NKAIN2: variants seen among roughly 807,000 people sequenced by gnomAD.
The protein encoded by NKAIN2 is sodium/potassium transporting ATPase interacting 2, also known as sodium/potassium-transporting ATPase subunit beta-1-interacting protein 2.
Under a neutral mutation model 32.6 loss-of-function variants are expected in NKAIN2, and 14 were observed. The observed-to-expected ratio is 0.43, with a 90% confidence interval of 0.28 to 0.67. The LOEUF (loss-of-function observed/expected upper bound fraction) is 0.67. Among genes scored for constraint, NKAIN2 ranks in the 30% least tolerant of loss-of-function variants. The probability of loss-of-function intolerance (pLI) is 0.17; values close to 1 mark genes in which losing one functional copy is unlikely to be tolerated. For missense variants in NKAIN2, 198 were observed against 258.3 expected (o/e 0.77, Z 1.60); for synonymous variants, 80 against 87.2 (o/e 0.92, Z 0.46).
At chr6:124,258,718 G>A (rs867201619) in intron 1 of NKAIN2, among the ~76,000 whole-genome samples, 2 of 152,162 alleles carry the variant, frequency 1.3e-5, no homozygotes, top group Admixed American at 6.5e-5. Context: ...TAAATAGTAC[G>A]TATGTAGCAA....
chr6:123,962,393 C>A (rs74676872), intron 1 of NKAIN2, among the ~76,000 whole-genome samples: 2,434 of 152,260 alleles, frequency 0.016, 65 homozygotes, highest in African/African-American at 0.056. Flanking sequence ...GGACACGATT[C>A]TATTTCCTTA....
At chr6:124,276,293 AACACAC>A (rs149321217) in intron 1 of NKAIN2, among the ~76,000 whole-genome samples, 2,396 of 145,946 alleles carry the variant, frequency 0.016, 70 homozygotes, top group African/African-American at 0.056. Flanking sequence ...CCCCTTGGTG[AACACAC>A]ACACACACAC....
intron 2 of NKAIN2, among the ~76,000 whole-genome samples, chr6:124,342,191 GAAGATCGAGA>G (rs1160710096): frequency 6.6e-6 from 1 of 151,780 alleles, no homozygotes; most frequent in African/African-American, 2.4e-5. Context: ...CACGAGGTCA[GAAGATCGAGA>G]CCATCTTGGC....
At chr6:124,560,404 C>A (rs2114890848) in intron 3 of NKAIN2, among the ~76,000 whole-genome samples, 1 of 152,332 alleles carries the variant, frequency 6.6e-6, no homozygotes, top group South Asian at 2.1e-4. Context: ...TCAATTAAAA[C>A]TCTTTCCTTT....
intron 4 of NKAIN2, among the ~76,000 whole-genome samples, chr6:124,676,047 A>G (rs1271033365): frequency 6.6e-6 from 1 of 152,072 alleles, no homozygotes; most frequent in Non-Finnish European, 1.5e-5. Context: ...TTCTCAAAAC[A>G]TTTTATAATT....
At chr6:124,320,804 T>C (rs1797146240) in intron 2 of NKAIN2, among the ~76,000 whole-genome samples, 1 of 152,222 alleles carries the variant, frequency 6.6e-6, no homozygotes, top group Admixed American at 6.5e-5. Context: ...AGTGTTGAAC[T>C]TGAAGCTGTG....
chr6:124,568,822 CAAAAAAAAAAAA>C (rs3053601), intron 3 of NKAIN2, among the ~76,000 whole-genome samples: 4 of 80,524 alleles, frequency 5.0e-5, no homozygotes, highest in African/African-American at 1.7e-4. Context: ...AGCACTGTGG[CAAAAAAAAAAAA>C]AAAAAAAAAA....
At chr6:124,673,277 A>G (rs1315674081) in intron 4 of NKAIN2, among the ~76,000 whole-genome samples, 1 of 152,002 alleles carries the variant, frequency 6.6e-6, no homozygotes. Flanking sequence ...CATTTTCTCT[A>G]TCCATTCACC....
At chr6:124,430,097 G>A (rs1267596733) in intron 3 of NKAIN2, among the ~76,000 whole-genome samples, 1 of 152,118 alleles carries the variant, frequency 6.6e-6, no homozygotes, top group South Asian at 2.1e-4. Context: ...AATATGTAAT[G>A]TAAATTGCCA....
chr6:124,779,284 GA>G (rs1779138076), intron 4 of NKAIN2, among the ~76,000 whole-genome samples: 1 of 74,124 alleles, frequency 1.3e-5, no homozygotes, highest in African/African-American at 5.0e-5. Flanking sequence ...AGAGAGAGAG[GA>G]AGGCAGGAAG....
chr6:123,998,743 C>CTGTGTGTG lies in NKAIN2; in HGVS notation c.54+194516_54+194523dup, dbSNP rs34410164. On this transcript the variant is annotated intron_variant, in intron 1 of 6. Coordinates refer to ENST00000368417, the MANE Select transcript of NKAIN2 (RefSeq NM_001040214.3). ...GAAATTGTTGTTTCTCTCTCTCTCT[C>CTGTGTGTG]TGTGTGTGTGTGTGTGTGTGTGTGT... 5.1e-4 allele frequency among the ~76,000 whole-genome samples: 69 copies of CTGTGTGTG among 134,248 alleles called. 1 individual carries two copies. Among genetic ancestry groups the CTGTGTGTG allele is most frequent in the African/African-American group, 1.7e-3 (60 of 34,622 alleles). 88.1% of individuals were successfully genotyped at this position (134,248 alleles called of 152,430 possible).
intron 1 of NKAIN2, among the ~76,000 whole-genome samples, chr6:124,013,182 T>C (rs1780414365): frequency 6.6e-6 from 1 of 152,226 alleles, no homozygotes; most frequent in Admixed American, 6.5e-5. Context: ...TTTTGTTTTA[T>C]TATTCTAGAA....
chr6:124,595,659 G>T (rs1782057117), intron 3 of NKAIN2, among the ~76,000 whole-genome samples: 1 of 58,192 alleles, frequency 1.7e-5, no homozygotes, highest in African/African-American at 5.1e-5. Flanking sequence ...TTGGGCAAAG[G>T]GATGGGAAAT....
chr6:124,680,307 G>T (rs1773554508), intron 4 of NKAIN2, among the ~76,000 whole-genome samples: 2 of 152,238 alleles, frequency 1.3e-5, no homozygotes, highest in South Asian at 4.2e-4. Flanking sequence ...GGCAGTTGAT[G>T]ATTTGATGAG....
At chr6:124,743,278 CAAATA>C (rs2114693639) in intron 4 of NKAIN2, among the ~76,000 whole-genome samples, 1 of 151,872 alleles carries the variant, frequency 6.6e-6, no homozygotes, top group African/African-American at 2.4e-5. Context: ...AGCCACTACA[CAAATA>C]AAAGAATGTG....
intron 3 of NKAIN2, among the ~76,000 whole-genome samples, chr6:124,644,547 G>A (rs1345540977): frequency 5.9e-5 from 9 of 152,032 alleles, no homozygotes; most frequent in South Asian, 2.1e-4. Context: ...TGGGACTACA[G>A]GCATGTGGCA....
At chr6:123,872,514 A>T (rs1772944681) in intron 1 of NKAIN2, among the ~76,000 whole-genome samples, 1 of 152,224 alleles carries the variant, frequency 6.6e-6, no homozygotes, top group Admixed American at 6.5e-5. Context: ...CTGGTGTTGG[A>T]CTGAAGGCAC....
At chr6:124,310,710 GGTGAT>G (rs1441141158) in intron 2 of NKAIN2, among the ~76,000 whole-genome samples, 2 of 152,136 alleles carry the variant, frequency 1.3e-5, no homozygotes, top group African/African-American at 4.8e-5. Context: ...TGAAGTCAGA[GGTGAT>G]GTTAGTGAAT....
chr6:124,096,575 A>T (rs1784654974), intron 1 of NKAIN2, among the ~76,000 whole-genome samples: 1 of 152,180 alleles, frequency 6.6e-6, no homozygotes, highest in Non-Finnish European at 1.5e-5. Context: ...CTTCCCCAGG[A>T]ATTCTTCACT....
Sources: allele counts gnomAD v4.1 joint callset (sites outside exome capture counted in the v4.1 genomes callset), GRCh38; gene constraint gnomAD v4.1.1; transcripts MANE v1.5; gene names NCBI Gene and HGNC (gene_info 2026-07-23, HGNC 2026-07-21).